The following ST6GALNAC5 variants were observed in gnomAD, a reference collection of about 807,000 sequenced individuals.
ST6GALNAC5 encodes alpha-N-acetylgalactosaminide alpha-2,6-sialyltransferase 5.
Under a neutral mutation model 33.6 loss-of-function variants are expected in ST6GALNAC5, and 27 were observed. The observed-to-expected ratio is 0.80, with a 90% confidence interval of 0.59 to 1.11. ST6GALNAC5 has a LOEUF of 1.11. Among genes scored for constraint, ST6GALNAC5 ranks in the 50% least tolerant of loss-of-function variants. The pLI, the probability that ST6GALNAC5 is intolerant of heterozygous loss-of-function variation, is 0.00. For synonymous variants in ST6GALNAC5, 194 were observed against 171.2 expected, an observed-to-expected ratio of 1.13 and a Z score of -1.04; for missense variants, 428 against 454.0, an observed-to-expected ratio of 0.94 and a Z score of 0.52.
intron 2 of ST6GALNAC5, among the ~76,000 whole-genome samples, chr1:76,998,470 T>C (rs1050935298): frequency 6.6e-6 from 1 of 152,166 alleles, no homozygotes; most frequent in African/African-American, 2.4e-5. Context: ...ATGACAATTA[T>C]ATTGTATATT....
At chr1:76,917,285 C>CA (rs1646985430) in intron 2 of ST6GALNAC5, among the ~76,000 whole-genome samples, 1 of 151,900 alleles carries the variant, frequency 6.6e-6, no homozygotes, top group African/African-American at 2.4e-5. Context: ...CTAAAAGAAC[C>CA]AAAAAAACAT....
chr1:76,987,533 G>C (rs1649560553), intron 2 of ST6GALNAC5, among the ~76,000 whole-genome samples: 1 of 152,116 alleles, frequency 6.6e-6, no homozygotes, highest in South Asian at 2.1e-4. Flanking sequence ...CAGCCTGGCT[G>C]TTTCTCAAAC....
At chr1:76,914,292 T>A (rs958787974) in intron 2 of ST6GALNAC5, among the ~76,000 whole-genome samples, 5 of 152,054 alleles carry the variant, frequency 3.3e-5, no homozygotes, top group Admixed American at 6.6e-5. Flanking sequence ...TTCAATGCCA[T>A]CCCCATCAAG....
chr1:77,011,297 A>C (rs182292660), intron 2 of ST6GALNAC5, among the ~76,000 whole-genome samples: 3 of 152,314 alleles, frequency 2.0e-5, no homozygotes, highest in African/African-American at 7.2e-5. Flanking sequence ...GGCCTGTACA[A>C]AGTCACCAAC....
chr1:76,918,242 G>A (rs539255417), intron 2 of ST6GALNAC5, among the ~76,000 whole-genome samples: 1 of 152,064 alleles, frequency 6.6e-6, no homozygotes, highest in Non-Finnish European at 1.5e-5. Flanking sequence ...TGAGAGTCAG[G>A]AAAAGAAGAG....
Position 76,868,675 on chromosome 1 carries a change from A to G in ST6GALNAC5, c.194A>G (p.Gln65Arg), listed in dbSNP as rs574460758. The G allele has an allele frequency of 1.2e-5, 19 of 1,568,206 alleles. No individual in the cohort carries two copies. In the South Asian group the frequency reaches 2.2e-4, roughly 18 times the overall value. The change falls in exon 2 of 5, where the codon CAG becomes CGG. Residue 65 changes from glutamine to arginine, a missense_variant. Transcript: ENST00000477717. This position sits in a 1 kb window ranked among gnomAD's most constrained non-coding sequence, Gnocchi z 4.3. ...SSQPAAESST[Q>R]QRPGVPAGPR... ...CAGCCGGCGGCGGAGAGCAGCACCCAGCAGCGCCCCGGGGTCCCCGCGGGA... is the reference window on the plus strand; with the variant it reads ...CAGCCGGCGGCGGAGAGCAGCACCCGGCAGCGCCCCGGGGTCCCCGCGGGA...
At chr1:76,980,730 T>C (rs930561221) in intron 2 of ST6GALNAC5, among the ~76,000 whole-genome samples, 1 of 152,052 alleles carries the variant, frequency 6.6e-6, no homozygotes, top group African/African-American at 2.4e-5. Context: ...TCATAATGAA[T>C]CAAAGAGCTA....
At chr1:76,910,696 T>G (rs1445922385) in intron 2 of ST6GALNAC5, among the ~76,000 whole-genome samples, 1 of 152,080 alleles carries the variant, frequency 6.6e-6, no homozygotes, top group Non-Finnish European at 1.5e-5. Flanking sequence ...TTATTAATAC[T>G]GTGAATAAGA....
At chr1:76,887,904 A>C (rs1653932303) in intron 2 of ST6GALNAC5, among the ~76,000 whole-genome samples, 1 of 151,892 alleles carries the variant, frequency 6.6e-6, no homozygotes, top group Admixed American at 6.6e-5. Flanking sequence ...TTTTATCATA[A>C]TCTCAAATTC....
At chr1:76,884,972 A>T (rs889268054) in intron 2 of ST6GALNAC5, among the ~76,000 whole-genome samples, 2 of 152,172 alleles carry the variant, frequency 1.3e-5, no homozygotes, top group Non-Finnish European at 2.9e-5. Flanking sequence ...GGAGTTATAC[A>T]TCGCAATACT....
chr1:76,908,129 G>A (rs1412822616), intron 2 of ST6GALNAC5, among the ~76,000 whole-genome samples: 1 of 151,888 alleles, frequency 6.6e-6, no homozygotes, highest in African/African-American at 2.4e-5. Context: ...TTTCTCTCAG[G>A]TTCTTATTTT....
intron 2 of ST6GALNAC5, among the ~76,000 whole-genome samples, chr1:76,937,937 C>T (rs1184484552): frequency 1.3e-5 from 2 of 152,022 alleles, no homozygotes; most frequent in African/African-American, 4.8e-5. Context: ...ATTTCACACA[C>T]GTATGTTTCC....
intron 2 of ST6GALNAC5, among the ~76,000 whole-genome samples, chr1:76,953,818 A>T (rs1249191321): frequency 6.6e-6 from 1 of 152,082 alleles, no homozygotes; most frequent in East Asian, 1.9e-4. Flanking sequence ...TTATGAATTA[A>T]TTTTTCATGT....
chr1:76,922,465 A>G (rs1647043239), intron 2 of ST6GALNAC5, among the ~76,000 whole-genome samples: 1 of 152,182 alleles, frequency 6.6e-6, no homozygotes, highest in Admixed American at 6.5e-5. Flanking sequence ...TGTAATTCCT[A>G]TCAAAATACA....
At chr1:76,918,540 C>A (rs1324487536) in intron 2 of ST6GALNAC5, among the ~76,000 whole-genome samples, 1 of 151,300 alleles carries the variant, frequency 6.6e-6, no homozygotes, top group African/African-American at 2.4e-5. Flanking sequence ...ATCGCTTGAA[C>A]CCCGGGGGCA....
At chr1:77,024,278 G>A (rs1054387310) in intron 2 of ST6GALNAC5, among the ~76,000 whole-genome samples, 2 of 152,176 alleles carry the variant, frequency 1.3e-5, no homozygotes, top group African/African-American at 2.4e-5. Flanking sequence ...CCACCAAACC[G>A]CATGTTGGTG....
intron 2 of ST6GALNAC5, among the ~76,000 whole-genome samples, chr1:76,901,570 G>T (rs554746333): frequency 6.6e-6 from 1 of 152,286 alleles, no homozygotes; most frequent in South Asian, 2.1e-4. Flanking sequence ...AAAAACTGCT[G>T]ATAAATAGCA....
chr1:76,961,679 CT>C (rs1648247154), intron 2 of ST6GALNAC5, among the ~76,000 whole-genome samples: 1 of 152,190 alleles, frequency 6.6e-6, no homozygotes, highest in African/African-American at 2.4e-5. Context: ...CAGCTACTCC[CT>C]CTTTTTCCTT....
chr1:77,023,830 G>A (rs944797540), intron 2 of ST6GALNAC5, among the ~76,000 whole-genome samples: 3 of 152,208 alleles, frequency 2.0e-5, no homozygotes, highest in African/African-American at 7.2e-5. Flanking sequence ...AAAGCAGGAA[G>A]AACAGTTTCT....
Sources: gnomAD v4.1 joint callset for allele counts (sites outside exome capture counted in the v4.1 genomes callset) on GRCh38, gnomAD v4.1.1 for gene constraint, Gnocchi (gnomAD v3.1) non-coding constraint, MANE v1.5 for transcripts, NCBI Gene and HGNC (gene_info 2026-07-23, HGNC 2026-07-21) for gene names.